The following GRXCR2 variants were observed in gnomAD, a reference collection of about 807,000 sequenced individuals.
GRXCR2 encodes glutaredoxin and cysteine rich domain containing 2.
In GRXCR2, 23 loss-of-function variants were observed where a neutral mutation model predicts 24.8. The observed-to-expected ratio is 0.93, with a 90% CI of 0.67 to 1.32. GRXCR2 has a LOEUF of 1.32. Among genes scored for constraint, GRXCR2 ranks in the 40% most tolerant of loss-of-function variants. The pLI, the probability that GRXCR2 is intolerant of heterozygous loss-of-function variation, is 0.00. For missense variants in GRXCR2, 315 were observed against 303.4 expected (o/e 1.04, Z -0.28); for synonymous variants, 130 against 116.1 (o/e 1.12, Z -0.77).
chr5:145,866,540 C>T lies in GRXCR2; in HGVS notation c.525G>A (p.Val175=). 6.2e-7 allele frequency: 1 copy of T among 1,614,162 alleles called. No individual in the cohort carries two copies. ...TTTGGGGTAATGTGCTTTCTGCCTC[C>T]ACCAAAGGTCTATCGTGCTGGTCCC... ...GGRDQHDRPL[V]EAESTLPQNR... The change falls in exon 2 of 3, where the codon GTG becomes GTA. Residue 175 remains valine, a synonymous_variant. Coordinates refer to ENST00000377976, the MANE Select transcript of GRXCR2 (RefSeq NM_001080516.2).
intron 2 of GRXCR2, among the ~76,000 whole-genome samples, chr5:145,894,672 G>A (rs767334055): frequency 1.8e-4 from 28 of 152,108 alleles, no homozygotes; most frequent in East Asian, 1.2e-3. Flanking sequence ...GTCCAGGACC[G>A]GATGGATTCA....
At chr5:145,890,686 T>G (rs963378132) in intron 2 of GRXCR2, among the ~76,000 whole-genome samples, 3 of 152,084 alleles carry the variant, frequency 2.0e-5, no homozygotes, top group Non-Finnish European at 2.9e-5. Flanking sequence ...ACACATAGCC[T>G]GCAGACCCTG....
chr5:145,883,187 GA>G (rs890031116), intron 2 of GRXCR2, among the ~76,000 whole-genome samples: 1 of 151,614 alleles, frequency 6.6e-6, no homozygotes, highest in Non-Finnish European at 1.5e-5. Flanking sequence ...AAAAGAAAAA[GA>G]AAAAAACCTG....
Position 145,859,394 on chromosome 5 carries a change from C to T in GRXCR2, c.*339G>A, listed in dbSNP as rs1756291032. 1 of 251,952 alleles carries T rather than the reference C, an allele frequency of 4.0e-6. No homozygotes were observed. The highest frequency in any genetic ancestry group is 9.5e-5 in the South Asian group (1 of 10,552). 15.6% of individuals were successfully genotyped at this position (251,952 alleles called of 1,614,324 possible). A position where few individuals can be genotyped will look rare whatever the true frequency, so the allele number is the denominator to read the frequency against. On this transcript the variant is annotated 3_prime_UTR_variant, in exon 3 of 3. Transcript: ENST00000377976. ...CACCACATAATTTTGCAAAATAACT[C>T]CCAACCTGATGCCTGAAGTGTACAT... is the stretch of plus-strand genomic sequence containing the variant.
chr5:145,920,764 T>C (rs909459128), intron 2 of GRXCR2, among the ~76,000 whole-genome samples: 1 of 152,240 alleles, frequency 6.6e-6, no homozygotes, highest in Non-Finnish European at 1.5e-5. Flanking sequence ...TTCTGTCTCC[T>C]TAAAACTGAT....
At chr5:145,892,113 C>A (rs1756874849) in intron 2 of GRXCR2, among the ~76,000 whole-genome samples, 1 of 152,050 alleles carries the variant, frequency 6.6e-6, no homozygotes, top group African/African-American at 2.4e-5. Context: ...AAAGGACATC[C>A]ACACCAAAAC....
At chr5:145,864,361 C>T (rs1756391269) in intron 2 of GRXCR2, among the ~76,000 whole-genome samples, 2 of 152,106 alleles carry the variant, frequency 1.3e-5, no homozygotes, top group African/African-American at 2.4e-5. Context: ...CCAGGCTACA[C>T]AGAGCTTTCT....
At chr5:145,920,961 A>G (rs1735352207) in intron 2 of GRXCR2, among the ~76,000 whole-genome samples, 1 of 152,188 alleles carries the variant, frequency 6.6e-6, no homozygotes, top group African/African-American at 2.4e-5. Context: ...CAGACACCAA[A>G]TCTGTCAGCC....
intron 2 of GRXCR2, among the ~76,000 whole-genome samples, chr5:145,915,794 T>C (rs974323589): frequency 6.6e-6 from 1 of 151,900 alleles, no homozygotes; most frequent in African/African-American, 2.4e-5. Flanking sequence ...AGGCTGTGTG[T>C]CTTTGGACAT....
intron 2 of GRXCR2, among the ~76,000 whole-genome samples, chr5:145,878,594 G>A (rs1376113132): frequency 6.6e-6 from 1 of 152,042 alleles, no homozygotes; most frequent in African/African-American, 2.4e-5. Flanking sequence ...AATTGATGGG[G>A]AGAATAGAAC....
intron 2 of GRXCR2, among the ~76,000 whole-genome samples, chr5:145,865,013 A>T (rs371238701): frequency 6.6e-6 from 1 of 152,112 alleles, no homozygotes; most frequent in East Asian, 1.9e-4. Context: ...AATTGTGGAG[A>T]GGTAGATAGA....
At chr5:145,928,915 T>G (rs1435208393) in intron 2 of GRXCR2, among the ~76,000 whole-genome samples, 1 of 151,542 alleles carries the variant, frequency 6.6e-6, no homozygotes, top group Non-Finnish European at 1.5e-5. Context: ...AAAAAAAAAG[T>G]ATTACACTAG....
At chr5:145,913,303 C>A (rs1320733088) in intron 2 of GRXCR2, among the ~76,000 whole-genome samples, 1 of 151,998 alleles carries the variant, frequency 6.6e-6, no homozygotes, top group African/African-American at 2.4e-5. Context: ...AATAGTTTTT[C>A]TATATTTAAG....
intron 2 of GRXCR2, among the ~76,000 whole-genome samples, chr5:145,930,293 C>T (rs1355188658): frequency 6.6e-6 from 1 of 152,102 alleles, no homozygotes; most frequent in African/African-American, 2.4e-5. Flanking sequence ...CCACGTTGCC[C>T]AGGCTGGTCT....
At chr5:145,882,313 C>T (rs570378898) in intron 2 of GRXCR2, among the ~76,000 whole-genome samples, 1 of 152,046 alleles carries the variant, frequency 6.6e-6, no homozygotes. Context: ...TGAACTCAAA[C>T]AAATGTACAA....
At chr5:145,877,354 C>CTT (rs36071987), upstream of GRXCR2, among the ~76,000 whole-genome samples, 10 of 140,780 alleles carry the variant, frequency 7.1e-5, no homozygotes, top group African/African-American at 2.1e-4. Flanking sequence ...CTTCACTATT[C>CTT]TTTTTTTTTT....
chr5:145,924,456 C>G (rs1469585572), intron 2 of GRXCR2, among the ~76,000 whole-genome samples: 1 of 152,142 alleles, frequency 6.6e-6, no homozygotes, highest in Admixed American at 6.6e-5. Flanking sequence ...TCAGGCTTAT[C>G]TCCCTTTGTG....
At chr5:145,890,545 TA>T (rs1756848929) in intron 2 of GRXCR2, among the ~76,000 whole-genome samples, 1 of 151,748 alleles carries the variant, frequency 6.6e-6, no homozygotes, top group Non-Finnish European at 1.5e-5. Context: ...GAAGGAGAAA[TA>T]AAATATTTTC....
intron 2 of GRXCR2, among the ~76,000 whole-genome samples, chr5:145,888,276 C>T (rs1041227898): frequency 6.6e-6 from 1 of 152,164 alleles, no homozygotes. Context: ...TAAACAAATA[C>T]ATACTTTGTA....
Sources: allele counts gnomAD v4.1 joint callset (sites outside exome capture counted in the v4.1 genomes callset), GRCh38; gene constraint gnomAD v4.1.1; transcripts MANE v1.5; gene names NCBI Gene and HGNC (gene_info 2026-07-23, HGNC 2026-07-21).